The following RAB31 variants were observed in gnomAD, a reference collection of about 807,000 sequenced individuals.
RAB31 encodes the protein ras-related protein Rab-31.
In RAB31, 21 loss-of-function variants were observed where a neutral mutation model predicts 25.6. That is an observed-to-expected ratio of 0.82 (90% CI 0.58 to 1.18). RAB31 has a LOEUF of 1.18. Among genes scored for constraint, RAB31 ranks in the 50% most tolerant of loss-of-function variants. The probability of loss-of-function intolerance (pLI) is 0.00; values close to 1 mark genes in which losing one functional copy is unlikely to be tolerated. For synonymous variants in RAB31, 87 were observed against 84.0 expected (o/e 1.04, Z -0.20); for missense variants, 196 against 250.1 (o/e 0.78, Z 1.46).
chr18:9,844,222 A>G (rs540704414), intron 5 of RAB31, among the ~76,000 whole-genome samples: 2 of 152,212 alleles, frequency 1.3e-5, no homozygotes, highest in Admixed American at 6.5e-5. Flanking sequence ...ATAGACAGAC[A>G]TGGTGTGCCT....
chr18:9,713,974 A>C (rs2068031269), intron 1 of RAB31, among the ~76,000 whole-genome samples: 1 of 152,188 alleles, frequency 6.6e-6, no homozygotes, highest in Non-Finnish European at 1.5e-5. Flanking sequence ...ACCTCCTAAT[A>C]TCCTCACATT....
chr18:9,778,679 C>T (rs369909785), intron 2 of RAB31, among the ~76,000 whole-genome samples: 2 of 152,142 alleles, frequency 1.3e-5, no homozygotes, highest in African/African-American at 4.8e-5. Context: ...CCATGTTGGC[C>T]AGGCTGGTCT....
At chr18:9,714,334 G>T (rs1340067649) in intron 1 of RAB31, among the ~76,000 whole-genome samples, 1 of 152,194 alleles carries the variant, frequency 6.6e-6, no homozygotes, top group Non-Finnish European at 1.5e-5. Context: ...CTCATGAGGA[G>T]CATGCAACTT....
At chr18:9,715,528 C>CTTTTT (rs1161797158) in intron 1 of RAB31, among the ~76,000 whole-genome samples, 1 of 128,196 alleles carries the variant, frequency 7.8e-6, no homozygotes, top group Admixed American at 8.1e-5. Flanking sequence ...CTCTCTCTCT[C>CTTTTT]TTTTTTTTTT....
chr18:9,710,708 T>G (rs1446212341), intron 1 of RAB31, among the ~76,000 whole-genome samples: 1 of 151,920 alleles, frequency 6.6e-6, no homozygotes, highest in African/African-American at 2.4e-5. Flanking sequence ...CAAAAAAAAG[T>G]TAGCTGGGCG....
intron 2 of RAB31, among the ~76,000 whole-genome samples, chr18:9,789,966 T>TGG (rs2068452023): frequency 6.6e-6 from 1 of 152,146 alleles, no homozygotes; most frequent in Non-Finnish European, 1.5e-5. Flanking sequence ...ACTTGGGACT[T>TGG]CGGTAGTTGG....
intron 1 of RAB31, among the ~76,000 whole-genome samples, chr18:9,713,187 G>A (rs1317933149): frequency 6.6e-6 from 1 of 152,222 alleles, no homozygotes; most frequent in Admixed American, 6.5e-5. Context: ...TAGTGTTATT[G>A]TGGAAGGAAG....
chr18:9,830,936 T>C (rs760128446), intron 5 of RAB31, among the ~76,000 whole-genome samples: 2 of 152,224 alleles, frequency 1.3e-5, no homozygotes, highest in Non-Finnish European at 2.9e-5. Context: ...CATTATTGGA[T>C]GTGAAGTCCA....
intron 5 of RAB31, among the ~76,000 whole-genome samples, chr18:9,839,747 C>G (rs190747223): frequency 1.3e-3 from 192 of 152,200 alleles, no homozygotes; most frequent in South Asian, 2.1e-3. Context: ...GAGTCTGTGG[C>G]CCCCGAGCCT....
At chr18:9,730,427 C>T (rs529469457) in intron 1 of RAB31, among the ~76,000 whole-genome samples, 1 of 151,952 alleles carries the variant, frequency 6.6e-6, no homozygotes, top group Non-Finnish European at 1.5e-5. Context: ...GCTGGAATTA[C>T]AGGCATGTGC....
At chr18:9,859,148 G>A in intron 6 of RAB31, 80 bp from the exon 7 acceptor site, 2 of 1,102,002 alleles carry the variant, frequency 1.8e-6, no homozygotes, top group South Asian at 1.4e-5. Flanking sequence ...AAGCAGGAGT[G>A]TTGAAGCAGG....
intron 3 of RAB31, among the ~76,000 whole-genome samples, chr18:9,801,271 A>T (rs993009078): frequency 1.3e-5 from 2 of 151,214 alleles, no homozygotes; most frequent in African/African-American, 4.9e-5. Flanking sequence ...TTCATGTACA[A>T]TTCTTTGTGT....
chr18:9,726,514 AATATTCAAG>A (rs1317349981), intron 1 of RAB31, among the ~76,000 whole-genome samples: 1 of 152,018 alleles, frequency 6.6e-6, no homozygotes, highest in Non-Finnish European at 1.5e-5. Context: ...CCTGGCATGT[AATATTCAAG>A]ATATTACCTT....
At chr18:9,764,997 C>T (rs968070107) in intron 1 of RAB31, among the ~76,000 whole-genome samples, 41 of 152,026 alleles carry the variant, frequency 2.7e-4, no homozygotes, top group African/African-American at 9.7e-4. Context: ...CTCCATTACC[C>T]AGGCTGGAGT....
chr18:9,727,155 G>A (rs1426360343), intron 1 of RAB31, among the ~76,000 whole-genome samples: 1 of 152,162 alleles, frequency 6.6e-6, no homozygotes, highest in Non-Finnish European at 1.5e-5. Context: ...GGTAGGCTGT[G>A]GCCCTTTGGC....
intron 1 of RAB31, among the ~76,000 whole-genome samples, chr18:9,731,557 G>A (rs1337305170): frequency 6.7e-6 from 1 of 149,234 alleles, no homozygotes; most frequent in Non-Finnish European, 1.5e-5. Flanking sequence ...GGTGATTCCT[G>A]TGTGATGATG....
rs200812916 is a variant in RAB31 at position 9,845,548 on chromosome 18, T to C, written c.381-34T>C. 9.3e-5 allele frequency: 139 copies of C among 1,491,708 alleles called. 1 individual carries two copies. Among genetic ancestry groups the C allele is most frequent in the African/African-American group, 8.4e-4 (59 of 70,560 alleles). 92.4% of individuals were successfully genotyped at this position (1,491,708 alleles called of 1,614,324 possible). ...GTGATTTGTATTTTACAAACAAACA[T>C]TCATTTCCTGTCTACATTTGACCTC... On this transcript the variant is annotated intron_variant, in intron 5 of 6. Transcript: ENST00000578921.
intron 5 of RAB31, among the ~76,000 whole-genome samples, chr18:9,824,683 A>T (rs1448598455): frequency 2.0e-5 from 3 of 152,224 alleles, no homozygotes; most frequent in Non-Finnish European, 4.4e-5. Flanking sequence ...GTTCCAGAAG[A>T]TGGTATAAAG....
intron 5 of RAB31, among the ~76,000 whole-genome samples, chr18:9,816,602 T>A (rs1267587547): frequency 1.3e-5 from 2 of 152,232 alleles, no homozygotes; most frequent in African/African-American, 4.8e-5. Flanking sequence ...ACACATTGTA[T>A]GTGAGTACCT....
Sources: gnomAD v4.1 joint callset for allele counts (sites outside exome capture counted in the v4.1 genomes callset) on GRCh38, gnomAD v4.1.1 for gene constraint, MANE v1.5 for transcripts, NCBI Gene and HGNC (gene_info 2026-07-23, HGNC 2026-07-21) for gene names.